Variants in GABRB1 observed in about 807,000 individuals in gnomAD.
GABRB1 encodes gamma-aminobutyric acid receptor subunit beta-1.
A neutral mutation model predicts 51.6 loss-of-function variants in GABRB1; 17 were observed. The ratio of observed to expected loss-of-function variants is 0.33; its 90% CI spans 0.23 to 0.49. GABRB1 has a LOEUF of 0.49. Ranked by LOEUF, GABRB1 falls within the 20% of genes least tolerant of loss-of-function variation. The probability of loss-of-function intolerance (pLI) is 0.99; values close to 1 mark genes in which losing one functional copy is unlikely to be tolerated. For synonymous variants in GABRB1, 247 were observed against 218.9 expected (o/e 1.13, Z -1.14); for missense variants, 410 against 600.6 (o/e 0.68, Z 3.32).
intron 2 of GABRB1, 129 bp downstream of exon 2, chr4:47,032,134 A>G: frequency 6.3e-6 from 4 of 639,632 alleles, no homozygotes; most frequent in Non-Finnish European, 5.4e-6. Context: ...CTGGGCACAC[A>G]CACACACACA....
intron 4 of GABRB1, among the ~76,000 whole-genome samples, chr4:47,284,857 G>A (rs1343822716): frequency 6.6e-6 from 1 of 152,114 alleles, no homozygotes; most frequent in Non-Finnish European, 1.5e-5. Context: ...ATCCTATAAT[G>A]AAGAAAAGAG....
chr4:47,425,533 TCCAC>T, intron 8 of GABRB1, 137 bp from the exon 9 acceptor site: 6 of 588,810 alleles, frequency 1.0e-5, no homozygotes, highest in South Asian at 2.2e-5. Flanking sequence ...TCGATCTATC[TCCAC>T]ATCAGGGAGG....
intron 3 of GABRB1, among the ~76,000 whole-genome samples, chr4:47,120,445 G>A (rs1273002416): frequency 6.6e-6 from 1 of 152,172 alleles, no homozygotes; most frequent in Non-Finnish European, 1.5e-5. Context: ...GACTCTGAGA[G>A]CCTGCCTGGT....
chr4:47,161,205 G>T, intron 3 of GABRB1, 44 bp from the exon 4 acceptor site: 2 of 1,238,372 alleles, frequency 1.6e-6, no homozygotes, highest in Non-Finnish European at 2.3e-6. Flanking sequence ...AGATGATAAT[G>T]ATAGTAAAAT....
intron 4 of GABRB1, among the ~76,000 whole-genome samples, chr4:47,212,083 G>T (rs1720378713): frequency 6.6e-6 from 1 of 152,132 alleles, no homozygotes. Context: ...GTGGCAAAGG[G>T]AATGGAACAG....
At chr4:47,412,990 C>CTG (rs1226983607) in intron 8 of GABRB1, among the ~76,000 whole-genome samples, 2 of 152,210 alleles carry the variant, frequency 1.3e-5, no homozygotes, top group African/African-American at 4.8e-5. Flanking sequence ...CTTCTCTGTA[C>CTG]TGTACTCGGG....
intron 3 of GABRB1, among the ~76,000 whole-genome samples, chr4:47,111,915 C>T (rs1715229539): frequency 6.6e-6 from 1 of 151,446 alleles, no homozygotes; most frequent in Non-Finnish European, 1.5e-5. Flanking sequence ...TATCATTTGA[C>T]ACATTAAAGG....
chr4:47,272,799 A>G (rs1006265950), intron 4 of GABRB1, among the ~76,000 whole-genome samples: 3 of 152,100 alleles, frequency 2.0e-5, no homozygotes, highest in African/African-American at 7.2e-5. Flanking sequence ...TTGTTTCCAG[A>G]TTTTGCTGTT....
At chr4:47,189,575 T>C (rs1167933678) in intron 4 of GABRB1, among the ~76,000 whole-genome samples, 2 of 151,892 alleles carry the variant, frequency 1.3e-5, no homozygotes, top group Non-Finnish European at 2.9e-5. Context: ...TAGTTTCTTA[T>C]ATTCTATCCT....
intron 4 of GABRB1, among the ~76,000 whole-genome samples, chr4:47,279,148 A>T (rs952092409): frequency 6.6e-5 from 10 of 152,072 alleles, no homozygotes; most frequent in African/African-American, 2.2e-4. Flanking sequence ...GGATGGATGA[A>T]TTCATCCAGT....
chr4:46,996,863 C>T (rs979273), intron 1 of GABRB1, among the ~76,000 whole-genome samples: 77,463 of 151,800 alleles, frequency 0.51, 20,159 homozygotes, highest in East Asian at 0.61. Flanking sequence ...TTCCTCTTTT[C>T]TTTCATTAAT....
At chr4:47,322,624 C>T (rs1725124057) in intron 5 of GABRB1, among the ~76,000 whole-genome samples, 1 of 152,154 alleles carries the variant, frequency 6.6e-6, no homozygotes, top group Admixed American at 6.6e-5. Flanking sequence ...GTGTTCTTCT[C>T]TTCATCATGG....
At chr4:47,377,807 T>C (rs1727442123) in intron 5 of GABRB1, among the ~76,000 whole-genome samples, 1 of 152,128 alleles carries the variant, frequency 6.6e-6, no homozygotes, top group African/African-American at 2.4e-5. Flanking sequence ...AGTAGCTAGA[T>C]ACAGAGTGTC....
intron 5 of GABRB1, among the ~76,000 whole-genome samples, chr4:47,338,157 T>C (rs971363063): frequency 1.3e-5 from 2 of 152,198 alleles, no homozygotes; most frequent in Non-Finnish European, 2.9e-5. Flanking sequence ...GATCTTTCTA[T>C]ACATCACCAA....
chr4:47,050,245 C>T (rs1276128515), intron 3 of GABRB1, among the ~76,000 whole-genome samples: 3 of 152,020 alleles, frequency 2.0e-5, no homozygotes, highest in Non-Finnish European at 4.4e-5. Flanking sequence ...AAGAAAGTTA[C>T]CAGTTAGGCA....
rs536104204 is a variant in GABRB1, at chr4:47,174,501, CT to C, written c.461+13034del. Among the ~76,000 whole-genome samples, 467 of 152,272 alleles carry C rather than the reference CT, an allele frequency of 3.1e-3. 1 individual carries two copies. The highest frequency in any genetic ancestry group is 5.3e-3 in the Non-Finnish European group (358 of 68,022). On this transcript the variant is annotated intron_variant, in intron 4 of 8. Coordinates refer to ENST00000295454, the MANE Select transcript of GABRB1 (RefSeq NM_000812.4). Reference sequence around the variant, plus strand: ...TCACAGTTCTATAGAAATTGGAAATCTTACCATATAGCATATAATTATAAAA... The same window carrying C: ...TCACAGTTCTATAGAAATTGGAAATCTACCATATAGCATATAATTATAAAA...
At chr4:47,327,491 T>C (rs998760438) in intron 5 of GABRB1, among the ~76,000 whole-genome samples, 1 of 152,226 alleles carries the variant, frequency 6.6e-6, no homozygotes, top group Admixed American at 6.5e-5. Flanking sequence ...ACTATGAATT[T>C]TTTTGTTGTT....
intron 3 of GABRB1, among the ~76,000 whole-genome samples, chr4:47,056,278 T>C (rs1039878612): frequency 2.0e-5 from 3 of 152,336 alleles, no homozygotes; most frequent in Admixed American, 1.3e-4. Flanking sequence ...ATCAATATTT[T>C]CACCTTCTTT....
intron 4 of GABRB1, among the ~76,000 whole-genome samples, chr4:47,281,370 G>C (rs1421818974): frequency 1.3e-5 from 2 of 152,126 alleles, no homozygotes; most frequent in South Asian, 2.1e-4. Context: ...TATTAGAATG[G>C]CTGTTATAAA....
Sources: gnomAD v4.1 joint callset for allele counts (sites outside exome capture counted in the v4.1 genomes callset) on GRCh38, gnomAD v4.1.1 for gene constraint, MANE v1.5 for transcripts, NCBI Gene and HGNC (gene_info 2026-07-23, HGNC 2026-07-21) for gene names.